ADAMTS20: variants seen among roughly 807,000 people sequenced by gnomAD.
The protein encoded by ADAMTS20 is A disintegrin and metalloproteinase with thrombospondin motifs 20.
A neutral mutation model predicts 260.1 loss-of-function variants in ADAMTS20; 225 were observed. The ratio of observed to expected loss-of-function variants is 0.87; its 90% CI spans 0.78 to 0.97. The LOEUF (loss-of-function observed/expected upper bound fraction) is 0.97. Ranked by LOEUF, ADAMTS20 falls within the 50% of genes least tolerant of loss-of-function variation. ADAMTS20 has a pLI of 0.00. For synonymous variants in ADAMTS20, 802 were observed against 769.5 expected (o/e 1.04, Z -0.70); for missense variants, 2,400 against 2,337.7 (o/e 1.03, Z -0.55).
chr12:43,477,592 C>T (rs1942378324), intron 7 of ADAMTS20, among the ~76,000 whole-genome samples: 1 of 152,158 alleles, frequency 6.6e-6, no homozygotes, highest in African/African-American at 2.4e-5. Flanking sequence ...TGAGGACTAT[C>T]AAGTCCAAAC....
At chr12:43,453,148 G>A (rs750158603) in intron 12 of ADAMTS20, among the ~76,000 whole-genome samples, 1 of 152,096 alleles carries the variant, frequency 6.6e-6, no homozygotes, top group Non-Finnish European at 1.5e-5. Context: ...CTATATCCAT[G>A]TTATTTTGAC....
chr12:43,523,437 A>T (rs978338015), intron 3 of ADAMTS20, among the ~76,000 whole-genome samples: 5 of 152,006 alleles, frequency 3.3e-5, no homozygotes, highest in African/African-American at 1.2e-4. Context: ...AGTGGGGAAG[A>T]ACTCCCTTGG....
intron 28 of ADAMTS20, among the ~76,000 whole-genome samples, chr12:43,411,540 G>T (rs964739957): frequency 6.6e-6 from 1 of 151,802 alleles, no homozygotes; most frequent in African/African-American, 2.4e-5. Flanking sequence ...GATAATTTTT[G>T]TATATTTAGT....
rs760017890 is a variant in ADAMTS20 at position 43,446,723 on chromosome 12, C to T, written c.2080-11G>A. 1.6e-5 allele frequency: 26 copies of T among 1,577,460 alleles called. No individual in the cohort carries two copies. Among genetic ancestry groups the T allele is most frequent in the Non-Finnish European group, 2.2e-5 (25 of 1,147,778 alleles). On this transcript the variant is annotated splice_polypyrimidine_tract_variant and intron_variant, in intron 14 of 38. Coordinates refer to ENST00000389420, the MANE Select transcript of ADAMTS20 (RefSeq NM_025003.5). Reference sequence around the variant, plus strand: ...ATCACAACCAGCTGCCTTCAAGACACAATTACAATCAATATTATAAGAATG... The same window carrying T: ...ATCACAACCAGCTGCCTTCAAGACATAATTACAATCAATATTATAAGAATG...
intron 28 of ADAMTS20, among the ~76,000 whole-genome samples, chr12:43,418,973 A>G (rs1463552898): frequency 6.6e-6 from 1 of 152,184 alleles, no homozygotes; most frequent in East Asian, 1.9e-4. Flanking sequence ...AAGTTATTGA[A>G]ACCACATATT....
Position 43,399,330 on chromosome 12 carries a change from C to T in ADAMTS20, c.4285-97G>A, listed in dbSNP as rs1940764471. The stretch of plus-strand genomic sequence containing the variant: ...AAAATGTAACAATCCACACATAATT[C>T]CTTTGATATTTTTATGAAGATATGC... On this transcript the variant is annotated intron_variant, in intron 28 of 38. Coordinates refer to ENST00000389420, the MANE Select transcript of ADAMTS20 (RefSeq NM_025003.5). The T allele has an allele frequency of 6.6e-6, 7 of 1,067,160 alleles. No individual in the cohort carries two copies. The Admixed American group carries it at 2.3e-4, about 35-fold the overall frequency. 66.1% of individuals were successfully genotyped at this position (1,067,160 alleles called of 1,614,324 possible). A position where few individuals can be genotyped will look rare whatever the true frequency, so the allele number is the denominator to read the frequency against.
rs1043897474 is a variant in ADAMTS20, at chr12:43,444,928, G to A, written c.2198-1045C>T. ...AGGCATCACATTTTTAGTGTAAGAC[G>A]ATAAGAAATAGTTTCATGATTCGGT... is the stretch of plus-strand genomic sequence containing the variant. On this transcript the variant is annotated intron_variant, in intron 15 of 38. Coordinates refer to ENST00000389420, the MANE Select transcript of ADAMTS20 (RefSeq NM_025003.5). Among the ~76,000 whole-genome samples, 12 of 152,200 alleles carry A rather than the reference G, an allele frequency of 7.9e-5. No individual in the cohort carries two copies. The South Asian group carries it at 1.7e-3, about 21-fold the overall frequency.
At chr12:43,538,970 T>TTTTTTTA (rs1943336065) in intron 2 of ADAMTS20, among the ~76,000 whole-genome samples, 4 of 128,742 alleles carry the variant, frequency 3.1e-5, no homozygotes, top group Admixed American at 1.6e-4. Context: ...TTTTTTTTTT[T>TTTTTTTA]GAGATGGAGT....
chr12:43,510,850 C>T (rs1462106317), intron 3 of ADAMTS20, among the ~76,000 whole-genome samples: 1 of 152,056 alleles, frequency 6.6e-6, no homozygotes, highest in Non-Finnish European at 1.5e-5. Flanking sequence ...TAGAAAATTA[C>T]TGTTAAATAA....
At chr12:43,437,233 A>C (rs1339870558) in intron 18 of ADAMTS20, among the ~76,000 whole-genome samples, 1 of 152,214 alleles carries the variant, frequency 6.6e-6, no homozygotes, top group East Asian at 1.9e-4. Flanking sequence ...TGTTATGAGA[A>C]GAAACATTAA....
At chr12:43,376,950 A>C (rs1940243838) in intron 32 of ADAMTS20, among the ~76,000 whole-genome samples, 1 of 152,244 alleles carries the variant, frequency 6.6e-6, no homozygotes, top group Non-Finnish European at 1.5e-5. Context: ...GGTAATTAAA[A>C]CTATCTCATT....
chr12:43,432,895 A>C, intron 19 of ADAMTS20, 84 bp from the exon 20 acceptor site: 1 of 1,229,266 alleles, frequency 8.1e-7, no homozygotes, highest in Non-Finnish European at 1.2e-6. Context: ...TTCAGTTTTT[A>C]AAATCCTAAA....
chr12:43,541,320 A>G (rs534733747), intron 2 of ADAMTS20, among the ~76,000 whole-genome samples: 309 of 152,274 alleles, frequency 2.0e-3, no homozygotes, highest in African/African-American at 7.0e-3. Context: ...TATATCTTTG[A>G]CCTTCAGTTC....
At chr12:43,423,714 A>G in intron 28 of ADAMTS20, 1 of 702,150 alleles carries the variant, frequency 1.4e-6, no homozygotes, top group Non-Finnish European at 2.6e-6. Context: ...TTCTTATAGT[A>G]TTTCAAATCT....
chr12:43,492,675 C>A, intron 5 of ADAMTS20, 46 bp from the exon 6 acceptor site: 1 of 1,599,826 alleles, frequency 6.3e-7, no homozygotes, highest in Non-Finnish European at 8.5e-7. Flanking sequence ...TATTAACGTC[C>A]TCTTTTCCTT....
At chr12:43,494,506 T>C (rs569308072) in intron 4 of ADAMTS20, among the ~76,000 whole-genome samples, 30 of 152,314 alleles carry the variant, frequency 2.0e-4, no homozygotes, top group African/African-American at 7.0e-4. Context: ...TAATCCAGCA[T>C]CTTTACTACT....
chr12:43,549,573 A>G (rs187894077), intron 2 of ADAMTS20, among the ~76,000 whole-genome samples: 2 of 152,196 alleles, frequency 1.3e-5, no homozygotes, highest in Non-Finnish European at 1.5e-5. Flanking sequence ...ATGAGAAAAC[A>G]TAATGACCAT....
At chr12:43,478,487 T>A (rs935367548) in intron 7 of ADAMTS20, among the ~76,000 whole-genome samples, 2 of 151,748 alleles carry the variant, frequency 1.3e-5, no homozygotes, top group Non-Finnish European at 1.5e-5. Flanking sequence ...AAAATGAAAA[T>A]TTTCCAAAAT....
chr12:43,383,357 C>T (rs1055869148), intron 31 of ADAMTS20, among the ~76,000 whole-genome samples: 1 of 152,190 alleles, frequency 6.6e-6, no homozygotes, highest in African/African-American at 2.4e-5. Context: ...ACACTTGAGA[C>T]TTGCACTAGA....
Sources: gnomAD v4.1 joint callset for allele counts (sites outside exome capture counted in the v4.1 genomes callset) on GRCh38, gnomAD v4.1.1 for gene constraint, MANE v1.5 for transcripts, NCBI Gene and HGNC (gene_info 2026-07-23, HGNC 2026-07-21) for gene names.